Variants in MAML2 observed in about 807,000 individuals in gnomAD.
MAML2 encodes the protein mastermind like transcriptional coactivator 2, also known as mastermind-like protein 2.
In MAML2, 22 loss-of-function variants were observed where a neutral mutation model predicts 96.1. The ratio of observed to expected loss-of-function variants is 0.23; its 90% confidence interval spans 0.16 to 0.33. The LOEUF (loss-of-function observed/expected upper bound fraction) is 0.33. Among genes scored for constraint, MAML2 ranks in the 10% least tolerant of loss-of-function variants. The pLI is 1.00. For missense variants in MAML2, 1,367 were observed against 1,392.4 expected (o/e 0.98, Z 0.29); for synonymous variants, 561 against 521.3 (o/e 1.08, Z -1.04).
chr11:96,071,675 T>C (rs1431426659), intron 2 of MAML2, among the ~76,000 whole-genome samples: 1 of 152,248 alleles, frequency 6.6e-6, no homozygotes, highest in Non-Finnish European at 1.5e-5. Context: ...CCTCATGGAC[T>C]GGTAGACTGA....
chr11:96,118,574 G>A (rs1255019598), intron 1 of MAML2, among the ~76,000 whole-genome samples: 1 of 152,062 alleles, frequency 6.6e-6, no homozygotes, highest in Non-Finnish European at 1.5e-5. Flanking sequence ...TGTGAAAATG[G>A]ACTAACACAC....
intron 2 of MAML2, among the ~76,000 whole-genome samples, chr11:96,076,977 C>A (rs1859450316): frequency 6.6e-6 from 1 of 151,932 alleles, no homozygotes; most frequent in Non-Finnish European, 1.5e-5. Context: ...AAAATTGGGC[C>A]CTCCAACCCT....
chr11:96,036,278 GA>G (rs1858710698), intron 2 of MAML2, among the ~76,000 whole-genome samples: 1 of 152,096 alleles, frequency 6.6e-6, no homozygotes, highest in African/African-American at 2.4e-5. Flanking sequence ...TAGGGCCCAA[GA>G]AAAAAGATGG....
chr11:96,317,646 T>C (rs916113968), intron 1 of MAML2, among the ~76,000 whole-genome samples: 1 of 152,192 alleles, frequency 6.6e-6, no homozygotes, highest in African/African-American at 2.4e-5. Context: ...CAAGAGGAAC[T>C]GAAAATAGGG....
At chr11:96,184,278 T>C (rs151174318) in intron 1 of MAML2, among the ~76,000 whole-genome samples, 4,305 of 152,102 alleles carry the variant, frequency 0.028, 207 homozygotes, top group African/African-American at 0.099. Flanking sequence ...CTGTCTCTAC[T>C]AAAAACGTAA....
chr11:96,274,905 A>G (rs536415824), intron 1 of MAML2, among the ~76,000 whole-genome samples: 15 of 152,292 alleles, frequency 9.8e-5, no homozygotes, highest in African/African-American at 3.1e-4. Context: ...ATGAATCTCA[A>G]TGTATATATG....
At chr11:96,285,500 C>T (rs1268044707) in intron 1 of MAML2, among the ~76,000 whole-genome samples, 1 of 152,012 alleles carries the variant, frequency 6.6e-6, no homozygotes, top group African/African-American at 2.4e-5. Flanking sequence ...AAAGAGCTTC[C>T]GTGCAGCAAA....
chr11:96,120,642 TCTGTGGAGGG>T (rs1199489046), intron 1 of MAML2, among the ~76,000 whole-genome samples: 1 of 152,196 alleles, frequency 6.6e-6, no homozygotes. Context: ...ATAAATCACA[TCTGTGGAGGG>T]CTGTGGAGCA....
chr11:96,243,655 C>CT (rs11394033), intron 1 of MAML2, among the ~76,000 whole-genome samples: 66,977 of 135,584 alleles, frequency 0.49, 17,094 homozygotes, highest in Non-Finnish European at 0.55. Context: ...CCTTCTTTTT[C>CT]TTTTTTTTTT....
At chr11:96,135,557 T>TTTTC (rs1462592547) in intron 1 of MAML2, among the ~76,000 whole-genome samples, 1 of 151,776 alleles carries the variant, frequency 6.6e-6, no homozygotes, top group African/African-American at 2.4e-5. Context: ...TTTTTTTTTT[T>TTTTC]TTTTTAAACC....
At chr11:95,989,208 G>A (rs1857873009) in intron 3 of MAML2, among the ~76,000 whole-genome samples, 1 of 152,240 alleles carries the variant, frequency 6.6e-6, no homozygotes, top group African/African-American at 2.4e-5. Flanking sequence ...CCAACTGACT[G>A]CAAATGACCA....
At chr11:96,310,033 A>G (rs1225605406) in intron 1 of MAML2, among the ~76,000 whole-genome samples, 1 of 152,116 alleles carries the variant, frequency 6.6e-6, no homozygotes, top group African/African-American at 2.4e-5. Flanking sequence ...GAAGTTTCCA[A>G]AATGTATATG....
intron 2 of MAML2, among the ~76,000 whole-genome samples, chr11:95,998,073 T>A (rs1280089505): frequency 6.6e-6 from 1 of 152,110 alleles, no homozygotes; most frequent in Non-Finnish European, 1.5e-5. Flanking sequence ...AGCAACAGCT[T>A]CCTTATATAG....
intron 1 of MAML2, among the ~76,000 whole-genome samples, chr11:96,259,796 G>C (rs146909552): frequency 1.9e-4 from 29 of 152,236 alleles, no homozygotes; most frequent in African/African-American, 6.7e-4. Flanking sequence ...TTCAGTAAAG[G>C]TGTCAACTCT....
At chr11:96,324,325 G>A (rs1032646908) in intron 1 of MAML2, among the ~76,000 whole-genome samples, 15 of 152,152 alleles carry the variant, frequency 9.9e-5, no homozygotes, top group Non-Finnish European at 2.1e-4. Flanking sequence ...GCAAAGATAT[G>A]TTAACATTCA....
At chr11:96,205,106 T>C (rs778788558) in intron 1 of MAML2, among the ~76,000 whole-genome samples, 5 of 152,236 alleles carry the variant, frequency 3.3e-5, no homozygotes, top group Non-Finnish European at 7.3e-5. Flanking sequence ...CAGTATGATG[T>C]CAACATGGTG....
intron 2 of MAML2, among the ~76,000 whole-genome samples, chr11:96,029,569 T>C (rs1160403550): frequency 2.0e-5 from 3 of 152,190 alleles, no homozygotes; most frequent in Admixed American, 6.5e-5. Context: ...TAGTTTTTCA[T>C]TGTTGGAACA....
chr11:96,217,881 A>G (rs1433186667), intron 1 of MAML2, among the ~76,000 whole-genome samples: 1 of 152,202 alleles, frequency 6.6e-6, no homozygotes. Flanking sequence ...GATTACGACA[A>G]TTTTAGTGAT....
chr11:96,287,605 T>C (rs1863157731), intron 1 of MAML2, among the ~76,000 whole-genome samples: 1 of 152,148 alleles, frequency 6.6e-6, no homozygotes, highest in Non-Finnish European at 1.5e-5. Flanking sequence ...AAATTAAGAG[T>C]AGAATTGGTA....
Sources: gnomAD v4.1 joint callset for allele counts (sites outside exome capture counted in the v4.1 genomes callset) on GRCh38, gnomAD v4.1.1 for gene constraint, MANE v1.5 for transcripts, NCBI Gene and HGNC (gene_info 2026-07-23, HGNC 2026-07-21) for gene names.